Variants in RANBP2 observed in about 807,000 individuals in gnomAD.
The protein encoded by RANBP2 is RAN binding protein 2.
A neutral mutation model predicts 303.6 loss-of-function variants in RANBP2; 57 were observed. That is an observed-to-expected ratio of 0.19 (90% confidence interval 0.15 to 0.23). The LOEUF (loss-of-function observed/expected upper bound fraction) is 0.23. Among genes scored for constraint, RANBP2 ranks in the 10% least tolerant of loss-of-function variants. RANBP2 has a pLI of 1.00. For missense variants in RANBP2, 3,138 were observed against 3,780.8 expected, an observed-to-expected ratio of 0.83 and a Z score of 4.46; for synonymous variants, 1,167 against 1,301.5, an observed-to-expected ratio of 0.90 and a Z score of 2.23.
chr2:108,721,156 C>T lies in RANBP2; in HGVS notation c.72+1478C>T, dbSNP rs535688254. Among the ~76,000 whole-genome samples, 15 of 152,270 alleles carry T rather than the reference C, an allele frequency of 9.9e-5. No individual in the cohort carries two copies. The Middle Eastern group carries it at 0.017, about 173-fold the overall frequency. On this transcript the variant is annotated intron_variant, in intron 1 of 28. Transcript: ENST00000283195. ...ACTAAGCATAGGTTATCTTATTTTG[C>T]GCTTCCAGCAGCCCTGTGGATATTG...
At chr2:109,199,612 TGG>T in the RANBP2 span, among the ~76,000 whole-genome samples, 3 of 336 alleles carry the variant, frequency 8.9e-3, 1 homozygote, top group East Asian at 0.071. Context: ...TGGAATGGAA[TGG>T]AATGGAATGG....
the RANBP2 span, among the ~76,000 whole-genome samples, chr2:109,690,430 CT>C: frequency 2.6e-5 from 4 of 152,200 alleles, no homozygotes; most frequent in African/African-American, 9.7e-5. Context: ...ATGCCTTTAT[CT>C]CAGTGAGCAG....
the RANBP2 span, among the ~76,000 whole-genome samples, chr2:109,114,284 C>T: frequency 3.3e-5 from 5 of 152,128 alleles, no homozygotes; most frequent in African/African-American, 1.2e-4. Context: ...GGTTGGTAAG[C>T]TATTGATTAT....
the RANBP2 span, chr2:109,574,443 T>TAAAAAA: frequency 2.2e-5 from 6 of 271,388 alleles, no homozygotes; most frequent in East Asian, 1.3e-4. Context: ...ACTTTATCTC[T>TAAAAAA]AAAAAAAAAA....
chr2:109,572,451 A>G, the RANBP2 span, among the ~76,000 whole-genome samples: 2 of 151,802 alleles, frequency 1.3e-5, no homozygotes, highest in African/African-American at 4.8e-5. Context: ...TATTTTATAT[A>G]TGAAAAATTG....
At chr2:109,573,797 G>C in the RANBP2 span, among the ~76,000 whole-genome samples, 2 of 152,156 alleles carry the variant, frequency 1.3e-5, no homozygotes, top group African/African-American at 4.8e-5. Context: ...GTTAGTTTAT[G>C]AATTTTTCTA....
At chr2:109,130,903 C>A in the RANBP2 span, among the ~76,000 whole-genome samples, 1 of 152,102 alleles carries the variant, frequency 6.6e-6, no homozygotes, top group Admixed American at 6.5e-5. Context: ...ACCCTTGCCA[C>A]CTTGTGAACA....
chr2:109,009,941 T>G, the RANBP2 span, among the ~76,000 whole-genome samples: 2 of 152,168 alleles, frequency 1.3e-5, no homozygotes, highest in Non-Finnish European at 2.9e-5. Flanking sequence ...ATTTACCTGC[T>G]CTATATTTTC....
the RANBP2 span, among the ~76,000 whole-genome samples, chr2:109,113,619 C>G: frequency 6.6e-6 from 1 of 152,146 alleles, no homozygotes; most frequent in Non-Finnish European, 1.5e-5. Flanking sequence ...CATTGAATAC[C>G]CTTTATTTCC....
the RANBP2 span, among the ~76,000 whole-genome samples, chr2:109,688,678 C>T: frequency 6.8e-6 from 1 of 146,320 alleles, no homozygotes; most frequent in South Asian, 2.2e-4. Flanking sequence ...ACTCAGGAGG[C>T]TGAGGCAGGA....
the RANBP2 span, among the ~76,000 whole-genome samples, chr2:109,053,914 G>A: frequency 2.0e-5 from 3 of 151,900 alleles, no homozygotes; most frequent in African/African-American, 4.8e-5. Context: ...CACTGCCAGC[G>A]CAGTCCAGAG....
chr2:109,629,193 C>A, the RANBP2 span, among the ~76,000 whole-genome samples: 1 of 104,016 alleles, frequency 9.6e-6, no homozygotes. Context: ...CAGAGCAAGA[C>A]TCCGTCTCAA....
chr2:108,750,077 C>T lies in RANBP2; in HGVS notation c.1273+948C>T, dbSNP rs563755148. ...AGGGGAATCGCTTCAACCCGGGAGG[C>T]GGAGGTTGCAGTGAGCCAAGATCAC... is the stretch of plus-strand genomic sequence containing the variant. On this transcript the variant is annotated intron_variant, in intron 9 of 28. Transcript: ENST00000283195. Among the ~76,000 whole-genome samples the T allele has an allele frequency of 3.3e-5, 5 of 152,336 alleles. No homozygotes were observed. In the South Asian group the frequency reaches 8.3e-4, roughly 25 times the overall value.
chr2:108,763,149 T>G, intron 19 of RANBP2, 88 bp from the exon 20 acceptor site: 3 of 1,357,942 alleles, frequency 2.2e-6, no homozygotes, highest in Non-Finnish European at 3.1e-6. Flanking sequence ...TTCATATTCA[T>G]GTTTGAAGTT....
the RANBP2 span, among the ~76,000 whole-genome samples, chr2:109,296,289 G>A: frequency 1.3e-5 from 2 of 151,980 alleles, no homozygotes; most frequent in South Asian, 2.1e-4. Flanking sequence ...GTGCAATGGT[G>A]CTATCTCGGC....
the RANBP2 span, among the ~76,000 whole-genome samples, chr2:109,211,648 C>CTTTTT: frequency 4.9e-5 from 7 of 142,580 alleles, no homozygotes; most frequent in South Asian, 2.2e-4. Flanking sequence ...GCATTTCTTT[C>CTTTTT]TTTTTTTTTT....
the RANBP2 span, among the ~76,000 whole-genome samples, chr2:109,420,113 C>A: frequency 1.3e-5 from 2 of 152,194 alleles, no homozygotes; most frequent in African/African-American, 4.8e-5. Context: ...CATCTCATCC[C>A]CAAATATAAC....
At chr2:109,364,509 GT>G in the RANBP2 span, among the ~76,000 whole-genome samples, 1 of 152,156 alleles carries the variant, frequency 6.6e-6, no homozygotes, top group Non-Finnish European at 1.5e-5. Context: ...AAACTGTGGG[GT>G]TTTTTGCCTT....
At chr2:109,472,662 T>C in the RANBP2 span, among the ~76,000 whole-genome samples, 1 of 152,124 alleles carries the variant, frequency 6.6e-6, no homozygotes, top group Non-Finnish European at 1.5e-5. Flanking sequence ...TAAATAATAG[T>C]GTGTTTAATT....
Sources: gnomAD v4.1 joint callset for allele counts (sites outside exome capture counted in the v4.1 genomes callset) on GRCh38, gnomAD v4.1.1 for gene constraint, MANE v1.5 for transcripts, NCBI Gene and HGNC (gene_info 2026-07-23, HGNC 2026-07-21) for gene names.